The following AKNA variants were observed in gnomAD, a reference collection of about 807,000 sequenced individuals.
AKNA encodes the protein microtubule organization protein AKNA.
In AKNA, 67 loss-of-function variants were observed where a neutral mutation model predicts 138.8. That is an observed-to-expected ratio of 0.48 (90% confidence interval 0.40 to 0.59). The LOEUF (loss-of-function observed/expected upper bound fraction) is 0.59, where lower values mean the gene tolerates loss of function less well. Ranked by LOEUF, AKNA falls within the 20% of genes least tolerant of loss-of-function variation. The probability of loss-of-function intolerance (pLI) is 0.00; values close to 1 mark genes in which losing one functional copy is unlikely to be tolerated. For synonymous variants in AKNA, 737 were observed against 754.4 expected, an observed-to-expected ratio of 0.98 and a Z score of 0.38; for missense variants, 1,813 against 1,880.4, an observed-to-expected ratio of 0.96 and a Z score of 0.66.
rs1305146962 is a variant in AKNA at position 114,334,724 on chromosome 9, C to G, written c.*2330G>C. 2 of 146,728 alleles carry G rather than the reference C, an allele frequency of 1.4e-5. No homozygotes were observed. Among genetic ancestry groups the G allele is most frequent in the Non-Finnish European group, 2.9e-5 (2 of 67,904 alleles). The allele number at this position is 146,728 out of a possible 1,614,324, so 9.1% of individuals were successfully genotyped here. A position where few individuals can be genotyped will look rare whatever the true frequency, so the allele number is the denominator to read the frequency against. On this transcript the variant is annotated 3_prime_UTR_variant, in exon 22 of 22. Transcript: ENST00000374088. Reference sequence around the variant, plus strand: ...AAAAGTTGGGCCTGAATTGTTTGAGCAATTCCACGTGTGCAGCTGCGTATA... The same window carrying G: ...AAAAGTTGGGCCTGAATTGTTTGAGGAATTCCACGTGTGCAGCTGCGTATA...
At chr9:114,372,894 T>A (rs1832874714) in intron 4 of AKNA, among the ~76,000 whole-genome samples, 1 of 143,950 alleles carries the variant, frequency 6.9e-6, no homozygotes, top group Non-Finnish European at 1.5e-5. Flanking sequence ...GCCCCTCTTT[T>A]ACAGATGTGC....
rs557652961 is a variant in AKNA at position 114,369,909 on chromosome 9, C to A, written c.1417-1314G>T. ...ATAACCATCACCGTCATCATCGTAA[C>A]CATCACCATTATCACCATCACCGTT... is the stretch of plus-strand genomic sequence containing the variant. On this transcript the variant is annotated intron_variant, in intron 4 of 21. Coordinates refer to ENST00000374088, the MANE Select transcript of AKNA (RefSeq NM_001317950.2). Among the ~76,000 whole-genome samples, 121 of 152,318 alleles carry A rather than the reference C, an allele frequency of 7.9e-4. 1 individual carries two copies. The highest frequency in any genetic ancestry group is 2.9e-3 in the African/African-American group (119 of 41,566).
downstream of AKNA, chr9:114,330,882 C>T (rs373176158): frequency 2.4e-5 from 38 of 1,605,006 alleles, no homozygotes; most frequent in Non-Finnish European, 3.2e-5. Flanking sequence ...AGCCCTCAGG[C>T]AGGAGGGTTC....
chr9:114,354,782 AAAAGT>A (rs2131874058), intron 14 of AKNA, among the ~76,000 whole-genome samples: 1 of 152,240 alleles, frequency 6.6e-6, no homozygotes, highest in Non-Finnish European at 1.5e-5. Context: ...AATAATGATA[AAAAGT>A]ATAGTAAATA....
intron 17 of AKNA, 142 bp downstream of exon 17, chr9:114,346,527 A>T (rs1830698084): frequency 1.6e-6 from 1 of 616,828 alleles, no homozygotes; most frequent in African/African-American, 1.9e-5. Context: ...TCTGTGCTTC[A>T]CAGCACTATA....
Position 114,357,959 on chromosome 9 carries a change from G to A in AKNA, c.2701C>T (p.Gln901Ter). 1 of 1,602,888 alleles carries A rather than the reference G, an allele frequency of 6.2e-7. No individual in the cohort carries two copies. ...CCACCGCCTCGGTGCAAAGGCTTCT[G>A]TGGAAGGCGCTCAGAGATGCCGCTT... ...EGSGISERLP[Q>*]KPLHRGGGPH... Residue 901 changes from glutamine (Q) to a stop codon, truncating the protein, a stop_gained, in exon 12 of 22, where the codon CAG becomes TAG. Transcript: ENST00000374088. LOFTEE classifies it high-confidence loss of function.
chr9:114,365,103 G>A (rs139497251), intron 6 of AKNA, among the ~76,000 whole-genome samples: 4 of 152,236 alleles, frequency 2.6e-5, no homozygotes, highest in East Asian at 1.9e-4. Context: ...AAAGGAAAAC[G>A]ATAAATACAT....
intron 4 of AKNA, among the ~76,000 whole-genome samples, chr9:114,369,841 TACC>T (rs1351601305): frequency 6.6e-6 from 1 of 152,014 alleles, no homozygotes; most frequent in Non-Finnish European, 1.5e-5. Flanking sequence ...CCATCACTAT[TACC>T]ACCACCATCA....
At chr9:114,395,548 C>A (rs1037612220), upstream of AKNA, among the ~76,000 whole-genome samples, 4 of 151,884 alleles carry the variant, frequency 2.6e-5, no homozygotes, top group African/African-American at 9.7e-5. Context: ...TAACTCACAC[C>A]GTACACTACA....
At chr9:114,381,762 G>A (rs1833700165) in intron 1 of AKNA, among the ~76,000 whole-genome samples, 1 of 137,894 alleles carries the variant, frequency 7.3e-6, no homozygotes, top group South Asian at 2.5e-4. Context: ...CCAGGTTCAA[G>A]CAATTCTCCT....
At chr9:114,385,156 C>T (rs967323915) in intron 1 of AKNA, among the ~76,000 whole-genome samples, 3 of 152,308 alleles carry the variant, frequency 2.0e-5, no homozygotes, top group Admixed American at 6.5e-5. Flanking sequence ...CCCAGCTGGT[C>T]AACTATATTT....
rs771539342 is a variant in AKNA at position 114,357,953 on chromosome 9, G to T, written c.2707C>A (p.Pro903Thr). The T allele has an allele frequency of 6.2e-7, 1 of 1,602,142 alleles. No individual in the cohort carries two copies. The highest frequency in any genetic ancestry group is 8.5e-7 in the Non-Finnish European group (1 of 1,176,116). ...TGGGGCCCACCGCCTCGGTGCAAAG[G>T]CTTCTGTGGAAGGCGCTCAGAGATG... ...SGISERLPQK[P>T]LHRGGGPHLE... The change falls in exon 12 of 22, where the codon CCT becomes ACT. Residue 903 changes from proline (P) to threonine (T), a missense_variant. Coordinates refer to ENST00000374088, the MANE Select transcript of AKNA (RefSeq NM_001317950.2).
rs1303838986 is a variant in AKNA, at chr9:114,337,216, G to T, written c.4158C>A (p.His1386Gln). ...ASPPPARRHRHSIQLDLGDLE... is the reference protein window; with the variant it reads ...ASPPPARRHRQSIQLDLGDLE... ...GGTCGCCCAGGTCGAGCTGGATGGA[G>T]TGCCGGTGTCTCCGGGCTGGTGGGG... The change falls in exon 22 of 22, where the codon CAC (histidine) becomes CAA (glutamine). Residue 1386 changes from histidine to glutamine, a missense_variant. Coordinates refer to ENST00000374088, the MANE Select transcript of AKNA (RefSeq NM_001317950.2). The T allele has an allele frequency of 1.9e-6, 3 of 1,589,764 alleles. No homozygotes were observed. The African/African-American group carries it at 4.0e-5, about 21-fold the overall frequency.
intron 2 of AKNA, 79 bp from the exon 3 acceptor site, chr9:114,377,611 T>C: frequency 7.3e-7 from 1 of 1,376,354 alleles, no homozygotes; most frequent in East Asian, 2.4e-5. Flanking sequence ...TCACTTCAAC[T>C]CTCTGGCTTC....
upstream of AKNA, among the ~76,000 whole-genome samples, chr9:114,389,401 A>G (rs1287484886): frequency 1.3e-5 from 2 of 152,200 alleles, no homozygotes; most frequent in African/African-American, 4.8e-5. Context: ...ATAAGCAGCC[A>G]GATTTGGGAA....
At chr9:114,354,016 T>G (rs780438090) in intron 14 of AKNA, among the ~76,000 whole-genome samples, 70 of 152,210 alleles carry the variant, frequency 4.6e-4, no homozygotes, top group Non-Finnish European at 8.2e-4. Context: ...TACAAAAGTT[T>G]TTTCTTCAAT....
intron 14 of AKNA, among the ~76,000 whole-genome samples, chr9:114,353,449 A>C (rs1018481137): frequency 2.6e-5 from 4 of 152,104 alleles, no homozygotes; most frequent in Admixed American, 2.0e-4. Context: ...TTTTTAGTGG[A>C]GATGGGGTTT....
At chr9:114,389,166 G>C (rs544858098), upstream of AKNA, among the ~76,000 whole-genome samples, 4 of 152,104 alleles carry the variant, frequency 2.6e-5, no homozygotes, top group Admixed American at 6.5e-5. Context: ...AGGCCAAGGT[G>C]GGGGAGCCAG....
upstream of AKNA, among the ~76,000 whole-genome samples, chr9:114,389,376 C>A (rs903504084): frequency 2.6e-5 from 4 of 152,134 alleles, no homozygotes; most frequent in African/African-American, 7.2e-5. Flanking sequence ...CCAAAAAGCC[C>A]TCCAGGTAAT....
Sources: gnomAD v4.1 joint callset for allele counts (sites outside exome capture counted in the v4.1 genomes callset) on GRCh38, gnomAD v4.1.1 for gene constraint, MANE v1.5 for transcripts, NCBI Gene and HGNC (gene_info 2026-07-23, HGNC 2026-07-21) for gene names.